The following RARB variants were observed in gnomAD, a reference collection of about 807,000 sequenced individuals.
RARB encodes retinoic acid receptor beta.
A neutral mutation model predicts 51.9 loss-of-function variants in RARB; 17 were observed. That is an observed-to-expected ratio of 0.33 (90% CI 0.22 to 0.49). RARB has a LOEUF of 0.49. Ranked by LOEUF, RARB falls within the 20% of genes least tolerant of loss-of-function variation. RARB has a pLI of 0.99. For synonymous variants in RARB, 215 were observed against 195.4 expected, an observed-to-expected ratio of 1.10 and a Z score of -0.84; for missense variants, 369 against 550.8, an observed-to-expected ratio of 0.67 and a Z score of 3.30.
At chr3:25,275,286 C>G (rs984492128) in intron 5 of RARB, among the ~76,000 whole-genome samples, 1 of 152,134 alleles carries the variant, frequency 6.6e-6, no homozygotes, top group Admixed American at 6.5e-5. Flanking sequence ...CATGGCAAAA[C>G]CCTGTCTCTA....
At chr3:25,120,437 T>A (rs910625497) in intron 3 of RARB, among the ~76,000 whole-genome samples, 2 of 152,056 alleles carry the variant, frequency 1.3e-5, no homozygotes, top group African/African-American at 4.8e-5. Flanking sequence ...ATGTTTAATA[T>A]CTCTAGTTAT....
intron 2 of RARB, among the ~76,000 whole-genome samples, chr3:25,473,925 A>AAAAAAAAAAC (rs763479260): frequency 0.046 from 6,871 of 150,454 alleles, 248 homozygotes; most frequent in African/African-American, 0.063. Flanking sequence ...TGGCAGGAAA[A>AAAAAAAAAAC]AAAAAAAACC....
At chr3:25,139,404 T>G (rs545708712) in intron 4 of RARB, among the ~76,000 whole-genome samples, 1 of 152,300 alleles carries the variant, frequency 6.6e-6, no homozygotes, top group East Asian at 1.9e-4. Flanking sequence ...ACAGCCTTAT[T>G]GCTGATACGG....
intron 3 of RARB, among the ~76,000 whole-genome samples, chr3:25,114,877 A>G (rs1699660593): frequency 6.6e-6 from 1 of 152,204 alleles, no homozygotes; most frequent in African/African-American, 2.4e-5. Flanking sequence ...ATGATATTGT[A>G]TAAAATGAAA....
intron 5 of RARB, among the ~76,000 whole-genome samples, chr3:25,211,233 A>T (rs1447494695): frequency 6.6e-6 from 1 of 152,226 alleles, no homozygotes; most frequent in African/African-American, 2.4e-5. Flanking sequence ...GAGTGACAAA[A>T]ACATAAAGTA....
intron 5 of RARB, among the ~76,000 whole-genome samples, chr3:25,194,102 G>T (rs560019082): frequency 1.3e-5 from 2 of 151,800 alleles, no homozygotes; most frequent in South Asian, 2.1e-4. Flanking sequence ...TTTCCATTTG[G>T]GACAATACAG....
intron 5 of RARB, among the ~76,000 whole-genome samples, chr3:25,189,758 G>A (rs565636906): frequency 3.9e-5 from 6 of 152,162 alleles, no homozygotes; most frequent in South Asian, 2.1e-4. Flanking sequence ...GGTGGTGGGC[G>A]CCTGTAATCG....
chr3:25,052,183 C>T (rs1698346272), intron 2 of RARB, among the ~76,000 whole-genome samples: 1 of 152,148 alleles, frequency 6.6e-6, no homozygotes, highest in Admixed American at 6.5e-5. Context: ...TTACATCCAT[C>T]CTGAGGAGAA....
At chr3:24,986,665 C>T (rs557813193) in intron 2 of RARB, among the ~76,000 whole-genome samples, 2 of 152,260 alleles carry the variant, frequency 1.3e-5, no homozygotes, top group East Asian at 3.9e-4. Flanking sequence ...AGAATAAAAA[C>T]AATTTGTAGT....
At chr3:24,902,870 T>G (rs1703637523) in intron 2 of RARB, among the ~76,000 whole-genome samples, 1 of 152,148 alleles carries the variant, frequency 6.6e-6, no homozygotes, top group African/African-American at 2.4e-5. Context: ...AACTTCAGTT[T>G]AAGGGTTTTA....
At chr3:24,872,571 G>GT (rs1356710420) in intron 2 of RARB, among the ~76,000 whole-genome samples, 2 of 152,124 alleles carry the variant, frequency 1.3e-5, no homozygotes, top group African/African-American at 4.8e-5. Context: ...GGGAGCAGTT[G>GT]TGACACATGC....
chr3:25,531,912 CTTTCCACCAG>C (rs1698942638), intron 3 of RARB, among the ~76,000 whole-genome samples: 1 of 145,834 alleles, frequency 6.9e-6, no homozygotes, highest in Non-Finnish European at 1.5e-5. Flanking sequence ...TAAAAATAAT[CTTTCCACCAG>C]AAAATGTAAA....
intron 2 of RARB, among the ~76,000 whole-genome samples, chr3:24,881,139 C>T (rs774073954): frequency 1.3e-5 from 2 of 152,206 alleles, no homozygotes; most frequent in Non-Finnish European, 2.9e-5. Flanking sequence ...TTCCCTTTCT[C>T]TCCTGCTGCC....
At chr3:25,414,751 C>T (rs188653967) in intron 5 of RARB, among the ~76,000 whole-genome samples, 366 of 152,046 alleles carry the variant, frequency 2.4e-3, no homozygotes, top group Non-Finnish European at 2.8e-3. Context: ...AATTGTTTAC[C>T]CAATAAGAGT....
intron 5 of RARB, among the ~76,000 whole-genome samples, chr3:25,373,116 T>G (rs1232876194): frequency 6.6e-6 from 1 of 152,154 alleles, no homozygotes; most frequent in Non-Finnish European, 1.5e-5. Context: ...GTATTAGACA[T>G]CCAAGGGAGA....
intron 3 of RARB, among the ~76,000 whole-genome samples, chr3:25,091,503 C>T (rs1699198258): frequency 1.3e-5 from 2 of 152,250 alleles, no homozygotes; most frequent in African/African-American, 4.8e-5. Flanking sequence ...TTTATGCCTT[C>T]TACGGAATCC....
intron 2 of RARB, among the ~76,000 whole-genome samples, chr3:24,985,354 T>TG (rs1474023071): frequency 6.6e-6 from 1 of 151,746 alleles, no homozygotes; most frequent in African/African-American, 2.4e-5. Context: ...TTTTTGTTTT[T>TG]TTTTTTTTTT....
At position 25,008,046 on chromosome 3, in the gene RARB, G is replaced by A. The variant is rs540276048; in HGVS notation, c.-379-52079G>A. On this transcript the variant is annotated intron_variant, in intron 2 of 11. Transcript: ENST00000383772. The stretch of plus-strand genomic sequence containing the variant: ...CACAGCTTTTTTTGGCACATAAAAA[G>A]CTCTATATTCTAATGTTGAATCTTG... Among the ~76,000 whole-genome samples the A allele has an allele frequency of 5.9e-5, 9 of 152,222 alleles. No individual in the cohort carries two copies. In the South Asian group the frequency reaches 1.9e-3, roughly 32 times the overall value.
intron 1 of RARB, among the ~76,000 whole-genome samples, chr3:25,448,224 C>T (rs940806077): frequency 5.9e-5 from 9 of 151,912 alleles, no homozygotes; most frequent in South Asian, 2.1e-4. Context: ...GGACAAGTTT[C>T]GGGAATATCA....
Sources: gnomAD v4.1 joint callset for allele counts (sites outside exome capture counted in the v4.1 genomes callset) on GRCh38, gnomAD v4.1.1 for gene constraint, MANE v1.5 for transcripts, NCBI Gene and HGNC (gene_info 2026-07-23, HGNC 2026-07-21) for gene names.